The following CDH13 variants were observed in gnomAD, a reference collection of about 807,000 sequenced individuals.
The protein encoded by CDH13 is cadherin-13.
A neutral mutation model predicts 63.8 loss-of-function variants in CDH13; 24 were observed. The observed-to-expected ratio is 0.38, with a 90% CI of 0.27 to 0.53. CDH13 has a LOEUF of 0.53. Ranked by LOEUF, CDH13 falls within the 20% of genes least tolerant of loss-of-function variation. The pLI, the probability that CDH13 is intolerant of heterozygous loss-of-function variation, is 0.85. For synonymous variants in CDH13, 503 were observed against 355.3 expected, an observed-to-expected ratio of 1.42 and a Z score of -4.67; for missense variants, 1,049 against 903.1, an observed-to-expected ratio of 1.16 and a Z score of -2.07.
At chr16:83,020,462 C>G (rs1331086122) in intron 2 of CDH13, among the ~76,000 whole-genome samples, 1 of 152,170 alleles carries the variant, frequency 6.6e-6, no homozygotes, top group Non-Finnish European at 1.5e-5. Context: ...CCAACAGACC[C>G]TATGACTGCT....
At chr16:83,216,437 T>TAAAA (rs1249830056) in intron 4 of CDH13, among the ~76,000 whole-genome samples, 53 of 108,538 alleles carry the variant, frequency 4.9e-4, no homozygotes, top group African/African-American at 2.0e-3. Flanking sequence ...TATATATATA[T>TAAAA]ATATATACAC....
chr16:83,544,121 A>G (rs556104082), intron 7 of CDH13, among the ~76,000 whole-genome samples: 1 of 152,304 alleles, frequency 6.6e-6, no homozygotes, highest in South Asian at 2.1e-4. Flanking sequence ...CTCTCACTGA[A>G]TGTGAGATGA....
At chr16:83,335,918 C>T (rs2090584628) in intron 5 of CDH13, among the ~76,000 whole-genome samples, 1 of 152,086 alleles carries the variant, frequency 6.6e-6, no homozygotes, top group African/African-American at 2.4e-5. Flanking sequence ...ATGCCCCCGG[C>T]TGAATAAACC....
chr16:83,507,259 T>C (rs1394355630), intron 7 of CDH13, among the ~76,000 whole-genome samples: 1 of 152,222 alleles, frequency 6.6e-6, no homozygotes, highest in Admixed American at 6.5e-5. Flanking sequence ...ACAGTCTCTC[T>C]CCTCTGTCGA....
At chr16:83,074,455 C>T (rs1045921734) in intron 3 of CDH13, among the ~76,000 whole-genome samples, 15 of 152,256 alleles carry the variant, frequency 9.9e-5, no homozygotes, top group African/African-American at 3.6e-4. Context: ...CTACAATAAA[C>T]ATTAGGGTGC....
chr16:83,320,727 G>C (rs569258238), intron 5 of CDH13, among the ~76,000 whole-genome samples: 2 of 152,254 alleles, frequency 1.3e-5, no homozygotes, highest in African/African-American at 2.4e-5. Context: ...CATTAGTTCC[G>C]GTTGCTTATT....
At chr16:83,394,120 C>T (rs1254686840) in intron 6 of CDH13, among the ~76,000 whole-genome samples, 2 of 151,394 alleles carry the variant, frequency 1.3e-5, no homozygotes, top group Admixed American at 6.6e-5. Context: ...GGGAGAGGAG[C>T]AGAAAAAAAT....
At chr16:82,686,510 T>C (rs1597322143) in intron 1 of CDH13, among the ~76,000 whole-genome samples, 1 of 152,314 alleles carries the variant, frequency 6.6e-6, no homozygotes, top group South Asian at 2.1e-4. Context: ...AGCAGTGCGA[T>C]GCATGGGTCA....
chr16:82,648,985 T>C (rs929345975), intron 1 of CDH13, among the ~76,000 whole-genome samples: 10 of 152,094 alleles, frequency 6.6e-5, no homozygotes, highest in African/African-American at 2.2e-4. Context: ...TGATCATGAA[T>C]GAGATGATGG....
intron 2 of CDH13, among the ~76,000 whole-genome samples, chr16:82,879,586 T>G (rs918942790): frequency 8.5e-5 from 12 of 141,994 alleles, no homozygotes; most frequent in East Asian, 2.0e-4. Context: ...CAATATTATA[T>G]ATTATATTTA....
intron 2 of CDH13, among the ~76,000 whole-genome samples, chr16:82,969,910 C>A (rs979217809): frequency 3.9e-5 from 6 of 151,996 alleles, no homozygotes; most frequent in African/African-American, 2.4e-5. Flanking sequence ...CATTTCTACA[C>A]CTTTCTTAAT....
At chr16:83,739,369 T>A (rs1159097981) in intron 10 of CDH13, among the ~76,000 whole-genome samples, 7 of 152,214 alleles carry the variant, frequency 4.6e-5, no homozygotes, top group Non-Finnish European at 1.0e-4. Flanking sequence ...GTGACCCCAC[T>A]GGGAGCAGAC....
chr16:83,454,084 A>T (rs1322591857), intron 6 of CDH13, among the ~76,000 whole-genome samples: 3 of 152,238 alleles, frequency 2.0e-5, no homozygotes, highest in African/African-American at 7.2e-5. Flanking sequence ...AAATTGATTC[A>T]GTCTGCATGT....
chr16:83,393,548 AC>A (rs1261796139), intron 6 of CDH13, among the ~76,000 whole-genome samples: 1 of 152,186 alleles, frequency 6.6e-6, no homozygotes. Context: ...CTGCTAAGCC[AC>A]CAATCCCCAG....
intron 8 of CDH13, among the ~76,000 whole-genome samples, chr16:83,616,025 T>C (rs965637059): frequency 6.6e-6 from 1 of 152,186 alleles, no homozygotes; most frequent in African/African-American, 2.4e-5. Context: ...TGCCGCTGAA[T>C]GTTTTTGAAT....
At chr16:83,014,332 A>C (rs1914465869) in intron 2 of CDH13, among the ~76,000 whole-genome samples, 1 of 151,820 alleles carries the variant, frequency 6.6e-6, no homozygotes, top group South Asian at 2.1e-4. Flanking sequence ...AAAAAAAAAA[A>C]AAAAAAAAAA....
chr16:83,052,717 C>A lies in CDH13; in HGVS notation c.366+20499C>A, dbSNP rs867699117. Reference sequence around the variant, plus strand: ...GCTTGAACCCAGAAGACAGAGACTGCAGTGAGCCAAGATCGCACCATTGCA... The same window carrying A: ...GCTTGAACCCAGAAGACAGAGACTGAAGTGAGCCAAGATCGCACCATTGCA... On this transcript the variant is annotated intron_variant, in intron 3 of 13. Coordinates refer to ENST00000567109, the MANE Select transcript of CDH13 (RefSeq NM_001257.5). 2.0e-4 allele frequency among the ~76,000 whole-genome samples: 26 copies of A among 132,138 alleles called. No individual in the cohort carries two copies. The Middle Eastern group carries it at 0.016, about 81-fold the overall frequency. The allele number at this position is 132,138 out of a possible 152,430, so 86.7% of individuals were successfully genotyped here.
chr16:83,178,601 A>G (rs143180719), intron 4 of CDH13, among the ~76,000 whole-genome samples: 63 of 152,334 alleles, frequency 4.1e-4, no homozygotes, highest in African/African-American at 1.5e-3. Flanking sequence ...ATTTTTAAAA[A>G]TGATCACTTT....
At chr16:82,966,338 A>G (rs530500503) in intron 2 of CDH13, among the ~76,000 whole-genome samples, 1 of 122,170 alleles carries the variant, frequency 8.2e-6, no homozygotes, top group South Asian at 2.6e-4. Context: ...TTTAGTAGAG[A>G]TGGGGTTTCA....
Sources: gnomAD v4.1 joint callset for allele counts (sites outside exome capture counted in the v4.1 genomes callset) on GRCh38, gnomAD v4.1.1 for gene constraint, MANE v1.5 for transcripts, NCBI Gene and HGNC (gene_info 2026-07-23, HGNC 2026-07-21) for gene names.